Variants in MYBPC1 observed in about 807,000 individuals in gnomAD.
MYBPC1 encodes myosin-binding protein C, slow-type.
A neutral mutation model predicts 147.1 loss-of-function variants in MYBPC1; 52 were observed. The ratio of observed to expected loss-of-function variants is 0.35; its 90% CI spans 0.28 to 0.45. MYBPC1 has a LOEUF of 0.45. MYBPC1 is among the 20% of genes least tolerant of loss of function. MYBPC1 has a pLI of 1.00. For synonymous variants in MYBPC1, 477 were observed against 475.9 expected, an observed-to-expected ratio of 1.00 and a Z score of -0.03; for missense variants, 1,228 against 1,440.3, an observed-to-expected ratio of 0.85 and a Z score of 2.39.
At chr12:101,665,523 CTCT>C (rs1897276451) in intron 22 of MYBPC1, among the ~76,000 whole-genome samples, 1 of 151,982 alleles carries the variant, frequency 6.6e-6, no homozygotes, top group Admixed American at 6.6e-5. Context: ...CAGCATTTTA[CTCT>C]TCTTTGTTTT....
chr12:101,627,895 T>C (rs1226834758), intron 5 of MYBPC1, 91 bp downstream of exon 5: 2 of 1,401,986 alleles, frequency 1.4e-6, no homozygotes, highest in Non-Finnish European at 2.0e-6. Flanking sequence ...TTCTAATCCT[T>C]GTCTTATTCA....
At chr12:101,638,368 G>A (rs1891405651) in intron 10 of MYBPC1, among the ~76,000 whole-genome samples, 1 of 152,290 alleles carries the variant, frequency 6.6e-6, no homozygotes, top group African/African-American at 2.4e-5. Context: ...ACATGGACTG[G>A]AGTCTCAGCT....
intron 10 of MYBPC1, among the ~76,000 whole-genome samples, chr12:101,640,992 A>ATCCCAGCTAC (rs2136167159): frequency 6.6e-6 from 1 of 152,052 alleles, no homozygotes; most frequent in African/African-American, 2.4e-5. Flanking sequence ...CACACCTGTA[A>ATCCCAGCTAC]TCCCAGCTAC....
chr12:101,595,293 C>A (rs539988212), intron 1 of MYBPC1, among the ~76,000 whole-genome samples, 198 bp downstream of exon 1: 10 of 152,022 alleles, frequency 6.6e-5, no homozygotes, highest in African/African-American at 2.2e-4. Flanking sequence ...TTTCTGATAA[C>A]GATAGTTTCT....
intron 2 of MYBPC1, among the ~76,000 whole-genome samples, chr12:101,615,254 C>T (rs1885576780): frequency 6.6e-6 from 1 of 152,110 alleles, no homozygotes; most frequent in Non-Finnish European, 1.5e-5. Context: ...GCTTAAACTC[C>T]CAACATGGCT....
At chr12:101,598,773 G>A (rs1486901532) in intron 1 of MYBPC1, among the ~76,000 whole-genome samples, 1 of 151,904 alleles carries the variant, frequency 6.6e-6, no homozygotes, top group Admixed American at 6.6e-5. Context: ...TAGAGATGGG[G>A]GCCTCACAAT....
chr12:101,667,144 C>A (rs1306052641), intron 22 of MYBPC1, among the ~76,000 whole-genome samples: 1 of 152,194 alleles, frequency 6.6e-6, no homozygotes, highest in Non-Finnish European at 1.5e-5. Flanking sequence ...GGATAGAATT[C>A]TACCAACTCC....
At chr12:101,636,356 G>A (rs1890984726) in intron 9 of MYBPC1, among the ~76,000 whole-genome samples, 1 of 152,186 alleles carries the variant, frequency 6.6e-6, no homozygotes, top group African/African-American at 2.4e-5. Context: ...CAAAAACAAA[G>A]TACTTTGTGT....
chr12:101,662,758 G>A (rs534845781), intron 21 of MYBPC1, among the ~76,000 whole-genome samples: 5 of 152,266 alleles, frequency 3.3e-5, no homozygotes, highest in East Asian at 1.9e-4. Context: ...CCTGGAATTC[G>A]TTACCATAAT....
chr12:101,666,346 AG>A, intron 22 of MYBPC1: 1 of 218,508 alleles, frequency 4.6e-6, no homozygotes. Flanking sequence ...TGGCAGAGAC[AG>A]GCACAAGGAT....
intron 1 of MYBPC1, among the ~76,000 whole-genome samples, chr12:101,602,754 A>G (rs1880591603): frequency 6.6e-6 from 1 of 152,122 alleles, no homozygotes; most frequent in African/African-American, 2.4e-5. Context: ...CATCATTCCC[A>G]CCACTATATT....
At chr12:101,616,416 C>A (rs78548778) in intron 2 of MYBPC1, among the ~76,000 whole-genome samples, 2,762 of 152,216 alleles carry the variant, frequency 0.018, 82 homozygotes, top group African/African-American at 0.063. Context: ...ATTTCATATT[C>A]ATTGCACAAT....
chr12:101,675,633 G>A (rs1467198690), intron 26 of MYBPC1, among the ~76,000 whole-genome samples: 2 of 152,176 alleles, frequency 1.3e-5, no homozygotes, highest in South Asian at 2.1e-4. Flanking sequence ...CATGTATAAG[G>A]ACCACACGTG....
downstream of MYBPC1, among the ~76,000 whole-genome samples, chr12:101,686,865 A>C (rs1951355143): frequency 6.6e-6 from 1 of 152,120 alleles, no homozygotes; most frequent in African/African-American, 2.4e-5. Flanking sequence ...GAACAAAAGA[A>C]AGTCTAGTTT....
intron 30 of MYBPC1, among the ~76,000 whole-genome samples, chr12:101,682,968 T>G (rs528520956): frequency 6.6e-6 from 1 of 152,330 alleles, no homozygotes; most frequent in African/African-American, 2.4e-5. Flanking sequence ...AACTTGGGTA[T>G]CAATATTTCT....
At chr12:101,607,228 G>A (rs574389985) in intron 1 of MYBPC1, among the ~76,000 whole-genome samples, 6 of 152,234 alleles carry the variant, frequency 3.9e-5, no homozygotes, top group African/African-American at 1.4e-4. Context: ...TCGTGTCTGG[G>A]CATATGAGGT....
chr12:101,668,487 G>GT (rs1325806589), intron 23 of MYBPC1, among the ~76,000 whole-genome samples: 2 of 152,076 alleles, frequency 1.3e-5, no homozygotes, highest in East Asian at 3.9e-4. Flanking sequence ...TTGAGATGGA[G>GT]TTTTGCTCTT....
At chr12:101,616,566 A>C (rs906299434) in intron 2 of MYBPC1, among the ~76,000 whole-genome samples, 3 of 152,184 alleles carry the variant, frequency 2.0e-5, no homozygotes, top group Non-Finnish European at 4.4e-5. Context: ...TACTGATTCC[A>C]TAAGTCAGAT....
intron 1 of MYBPC1, among the ~76,000 whole-genome samples, chr12:101,613,059 C>T (rs906949762): frequency 1.3e-5 from 2 of 152,156 alleles, no homozygotes; most frequent in Admixed American, 6.6e-5. Flanking sequence ...CCTTCTCCCT[C>T]ACTAGTAAAT....
Sources: allele counts gnomAD v4.1 joint callset (sites outside exome capture counted in the v4.1 genomes callset), GRCh38; gene constraint gnomAD v4.1.1; transcripts MANE v1.5; gene names NCBI Gene and HGNC (gene_info 2026-07-23, HGNC 2026-07-21).